MDFIC2: variants seen among roughly 807,000 people sequenced by gnomAD.
The protein encoded by MDFIC2 is MyoD family inhibitor domain containing 2, also known as myoD family inhibitor domain-containing protein 2.
intron 2 of MDFIC2, among the ~76,000 whole-genome samples, chr3:70,263,847 G>C (rs556898260): frequency 1.4e-4 from 21 of 152,156 alleles, no homozygotes; most frequent in African/African-American, 3.4e-4. Flanking sequence ...GAAGGTCTGG[G>C]CGATGGTGGA....
At chr3:70,312,470 C>G (rs1476249393) in intron 1 of MDFIC2, 81 bp downstream of exon 1, 1 of 152,220 alleles carries the variant, frequency 6.6e-6, no homozygotes, top group African/African-American at 2.4e-5. Context: ...AGACCTATTA[C>G]GAACCTTCGG....
At chr3:70,281,391 T>C (rs1356518837) in intron 2 of MDFIC2, among the ~76,000 whole-genome samples, 1 of 152,162 alleles carries the variant, frequency 6.6e-6, no homozygotes, top group East Asian at 1.9e-4. Flanking sequence ...GATCATAAGC[T>C]TCAGAATTAA....
chr3:70,271,352 C>T (rs928438315), intron 2 of MDFIC2, among the ~76,000 whole-genome samples: 1 of 152,142 alleles, frequency 6.6e-6, no homozygotes, highest in African/African-American at 2.4e-5. Context: ...TGTGGCTACT[C>T]ACCTCCATTG....
chr3:70,212,611 G>C (rs1189670861), intron 2 of MDFIC2, among the ~76,000 whole-genome samples: 1 of 152,020 alleles, frequency 6.6e-6, no homozygotes, highest in Non-Finnish European at 1.5e-5. Flanking sequence ...TTTTTCAGCA[G>C]TCATTGGCTC....
intron 2 of MDFIC2, among the ~76,000 whole-genome samples, chr3:70,238,761 T>C (rs983577720): frequency 6.6e-6 from 1 of 152,138 alleles, no homozygotes; most frequent in African/African-American, 2.4e-5. Context: ...TGTCTCCATC[T>C]GGACATCCTA....
chr3:70,267,247 A>T (rs1397197429), intron 2 of MDFIC2, among the ~76,000 whole-genome samples: 3 of 152,160 alleles, frequency 2.0e-5, no homozygotes, highest in Non-Finnish European at 4.4e-5. Context: ...GGCAGAATGC[A>T]AAACAAGAAT....
intron 2 of MDFIC2, 70 bp from the exon 3 acceptor site, chr3:70,206,860 C>T (rs769476014): frequency 5.8e-4 from 230 of 396,038 alleles, no homozygotes; most frequent in Non-Finnish European, 9.0e-4. Flanking sequence ...CCTAAGAATG[C>T]AGAAATTTTC....
At chr3:70,213,064 C>T (rs1015630401) in intron 2 of MDFIC2, among the ~76,000 whole-genome samples, 1 of 152,094 alleles carries the variant, frequency 6.6e-6, no homozygotes, top group South Asian at 2.1e-4. Context: ...CTGCCTTGGC[C>T]TCCCAAAGTG....
intron 2 of MDFIC2, among the ~76,000 whole-genome samples, chr3:70,293,773 G>C (rs1702264214): frequency 6.6e-6 from 1 of 151,680 alleles, no homozygotes; most frequent in Non-Finnish European, 1.5e-5. Context: ...ATAACAATGA[G>C]TATCTGAACC....
intron 2 of MDFIC2, among the ~76,000 whole-genome samples, chr3:70,210,100 A>T (rs1312952177): frequency 6.6e-6 from 1 of 152,108 alleles, no homozygotes; most frequent in Non-Finnish European, 1.5e-5. Flanking sequence ...AACAAAAAAA[A>T]GTTGGATAGA....
intron 2 of MDFIC2, chr3:70,283,593 G>A (rs1702110733): frequency 6.6e-6 from 1 of 152,030 alleles, no homozygotes; most frequent in Admixed American, 6.6e-5. Flanking sequence ...GAGCTTGGTT[G>A]TGTCCACCAC....
intron 2 of MDFIC2, among the ~76,000 whole-genome samples, chr3:70,225,967 T>A (rs1701502599): frequency 1.3e-5 from 2 of 152,208 alleles, no homozygotes; most frequent in African/African-American, 4.8e-5. Flanking sequence ...TCATTAACAA[T>A]GTAGACAGGA....
intron 2 of MDFIC2, among the ~76,000 whole-genome samples, chr3:70,212,298 G>C (rs1442693742): frequency 6.6e-6 from 1 of 152,036 alleles, no homozygotes; most frequent in African/African-American, 2.4e-5. Flanking sequence ...ATTTTTTGTG[G>C]GTAACTAGCG....
At chr3:70,272,071 C>T (rs187749140) in intron 2 of MDFIC2, 20 of 152,302 alleles carry the variant, frequency 1.3e-4, no homozygotes, top group African/African-American at 3.4e-4. Context: ...CTATGGCTAA[C>T]ACTTTTTTAA....
chr3:70,208,940 CATCTGTCGT>C (rs1233142512), intron 2 of MDFIC2, among the ~76,000 whole-genome samples: 5 of 152,034 alleles, frequency 3.3e-5, no homozygotes, highest in Admixed American at 1.3e-4. Flanking sequence ...TTCAAGAAAA[CATCTGTCGT>C]TGAAAGCAAT....
intron 2 of MDFIC2, among the ~76,000 whole-genome samples, chr3:70,286,727 T>G (rs1034300611): frequency 1.3e-4 from 20 of 152,174 alleles, no homozygotes; most frequent in African/African-American, 4.8e-4. Context: ...TATCCTCTTT[T>G]ATTTCCTTGA....
At chr3:70,241,222 CT>C (rs926898110) in intron 2 of MDFIC2, among the ~76,000 whole-genome samples, 2 of 152,230 alleles carry the variant, frequency 1.3e-5, no homozygotes, top group African/African-American at 4.8e-5. Context: ...CATATTTCTA[CT>C]TTAAAACTCC....
At chr3:70,311,244 C>A (rs941619664) in intron 2 of MDFIC2, among the ~76,000 whole-genome samples, 1 of 152,062 alleles carries the variant, frequency 6.6e-6, no homozygotes, top group Non-Finnish European at 1.5e-5. Flanking sequence ...CAAATGTTAC[C>A]TTTTTGACAT....
chr3:70,293,664 C>T (rs1466604106), intron 2 of MDFIC2, among the ~76,000 whole-genome samples: 1 of 151,920 alleles, frequency 6.6e-6, no homozygotes, highest in African/African-American at 2.4e-5. Flanking sequence ...TGTTCCTTTC[C>T]TTCCATTTTC....
Sources: gnomAD v4.1 joint callset for allele counts (sites outside exome capture counted in the v4.1 genomes callset) on GRCh38, gnomAD v4.1.1 for gene constraint, MANE v1.5 for transcripts, NCBI Gene and HGNC (gene_info 2026-07-23, HGNC 2026-07-21) for gene names.